The following STON2 variants were observed in gnomAD, a reference collection of about 807,000 sequenced individuals.
STON2 encodes stonin-2.
STON2 carries 29 observed loss-of-function variants against 65.7 expected under a neutral mutation model. That is an observed-to-expected ratio of 0.44 (90% CI 0.33 to 0.60). The LOEUF (loss-of-function observed/expected upper bound fraction) is 0.60. Ranked by LOEUF, STON2 falls within the 20% of genes least tolerant of loss-of-function variation. STON2 has a pLI of 0.03. For synonymous variants in STON2, 404 were observed against 414.2 expected (o/e 0.98, Z 0.30); for missense variants, 1,054 against 1,118.1 (o/e 0.94, Z 0.82).
At position 81,277,379 on chromosome 14, in the gene STON2, C is replaced by T. The variant is rs756067186; in HGVS notation, c.2103G>A (p.Glu701=). ...CATCCACACACCCATGGAAACGGCA[C>T]TCATGGAGCTTGATCCACTTTGTGG... ...TTTTKWIKLH[E]CRFHGCVDED... The change falls in exon 6 of 8, where the codon GAG becomes GAA. Residue 701 remains glutamate, a synonymous_variant. Transcript: ENST00000614646. The T allele has an allele frequency of 4.3e-6, 7 of 1,614,212 alleles. No homozygotes were observed. The highest frequency in any genetic ancestry group is 4.5e-5 in the East Asian group (2 of 44,876).
At chr14:81,373,482 T>C (rs1035305531) in intron 3 of STON2, among the ~76,000 whole-genome samples, 2 of 152,040 alleles carry the variant, frequency 1.3e-5, no homozygotes, top group African/African-American at 4.8e-5. Flanking sequence ...GAAATACAAT[T>C]AAAATATTTG....
At chr14:81,410,278 C>CAAAAAAAAAAAAAAAAAAA (rs1161157573) in intron 2 of STON2, among the ~76,000 whole-genome samples, 1 of 45,798 alleles carries the variant, frequency 2.2e-5, no homozygotes, top group Non-Finnish European at 4.9e-5. Context: ...TAACTCTAAC[C>CAAAAAAAAAAAAAAAAAAA]AAAAAAAAAA....
intron 3 of STON2, among the ~76,000 whole-genome samples, chr14:81,385,806 C>A (rs189312616): frequency 4.6e-5 from 7 of 152,214 alleles, no homozygotes; most frequent in Non-Finnish European, 1.0e-4. Flanking sequence ...TAGACAAAGT[C>A]TTTCCCTTTA....
At chr14:81,311,555 G>A (rs368859532) in intron 5 of STON2, among the ~76,000 whole-genome samples, 5 of 152,190 alleles carry the variant, frequency 3.3e-5, no homozygotes, top group African/African-American at 1.2e-4. Flanking sequence ...AGAATCCTAT[G>A]ACAGAGACAT....
At chr14:81,307,706 G>T (rs950676620) in intron 5 of STON2, among the ~76,000 whole-genome samples, 1 of 152,212 alleles carries the variant, frequency 6.6e-6, no homozygotes, top group African/African-American at 2.4e-5. Context: ...TGAAGGAGAC[G>T]AGGATGATAA....
intron 4 of STON2, among the ~76,000 whole-genome samples, chr14:81,335,596 G>A (rs1016910232): frequency 2.0e-4 from 31 of 152,306 alleles, no homozygotes; most frequent in Admixed American, 1.3e-3. Flanking sequence ...CTACAAGGGA[G>A]ACAGAGGAAA....
rs557344383 is a variant in STON2 at position 81,282,109 on chromosome 14, A to G, written c.743-3370T>C. Among the ~76,000 whole-genome samples, 223 of 152,362 alleles carry G rather than the reference A, an allele frequency of 1.5e-3. 1 individual carries two copies. The highest frequency in any genetic ancestry group is 2.7e-3 in the Non-Finnish European group (186 of 68,038). ...ATCCTAAGGAAATAACAGGACAAGCATGCAACGATGTACACAGTGATGTTT... is the reference window on the plus strand; with the variant it reads ...ATCCTAAGGAAATAACAGGACAAGCGTGCAACGATGTACACAGTGATGTTT... On this transcript the variant is annotated intron_variant, in intron 5 of 7. Transcript: ENST00000614646.
chr14:81,297,165 A>G (rs984994514), intron 5 of STON2, among the ~76,000 whole-genome samples: 1 of 152,210 alleles, frequency 6.6e-6, no homozygotes, highest in Non-Finnish European at 1.5e-5. Flanking sequence ...CGCTGCCTCC[A>G]AGACAAGTAG....
At position 81,277,652 on chromosome 14, in the gene STON2, T is replaced by C. The variant is rs375727005; in HGVS notation, c.1830A>G (p.Pro610=). 2.5e-6 allele frequency: 4 copies of C among 1,614,180 alleles called. No individual in the cohort carries two copies. The Admixed American group carries it at 5.0e-5, about 20-fold the overall frequency. Residue 610 remains proline, a synonymous_variant, in exon 6 of 8, where the codon CCA becomes CCG. Transcript: ENST00000614646. The part of the protein sequence containing the change: ...HAVQDRLMDL[P]VLSMDLSTVG... ...CTGTGCTCAAGTCCATTGACAACAC[T>C]GGCAGATCCATGAGACGGTCCTGAA...
intron 4 of STON2, among the ~76,000 whole-genome samples, chr14:81,341,446 G>GTTTTTTTTTTTTTTTTTT (rs748642462): frequency 8.6e-6 from 1 of 115,752 alleles, no homozygotes; most frequent in Non-Finnish European, 1.7e-5. Context: ...TTTTATAAGT[G>GTTTTTTTTTTTTTTTTTT]TTTTTTTTTT....
At chr14:81,335,483 T>C (rs1897335589) in intron 4 of STON2, among the ~76,000 whole-genome samples, 1 of 152,090 alleles carries the variant, frequency 6.6e-6, no homozygotes, top group African/African-American at 2.4e-5. Context: ...AGCTGCTGGG[T>C]AAGAATATCC....
chr14:81,308,824 A>ATATATATATATGTG (rs1479394128), intron 5 of STON2, among the ~76,000 whole-genome samples: 1 of 10,446 alleles, frequency 9.6e-5, no homozygotes, highest in Non-Finnish European at 1.8e-4. Flanking sequence ...ATATATATAT[A>ATATATATATATGTG]TGTGTGTGTG....
At chr14:81,371,250 CT>C in intron 3 of STON2, 65 bp from the exon 4 acceptor site, 1 of 1,450,490 alleles carries the variant, frequency 6.9e-7, no homozygotes. Flanking sequence ...ATCTTTAGTG[CT>C]TATCTTACTT....
At chr14:81,426,949 CACTT>C (rs1341136653) in intron 2 of STON2, among the ~76,000 whole-genome samples, 6 of 152,180 alleles carry the variant, frequency 3.9e-5, no homozygotes, top group East Asian at 1.9e-4. Flanking sequence ...ATTTGATAAA[CACTT>C]ACGTAACACT....
intron 5 of STON2, among the ~76,000 whole-genome samples, chr14:81,283,165 T>C (rs1895191457): frequency 6.6e-6 from 1 of 152,168 alleles, no homozygotes; most frequent in African/African-American, 2.4e-5. Flanking sequence ...TGATGCAAAC[T>C]AAAGAGAAGT....
chr14:81,408,160 C>T (rs565819402), intron 2 of STON2, among the ~76,000 whole-genome samples: 8 of 147,414 alleles, frequency 5.4e-5, no homozygotes, highest in Admixed American at 4.6e-4. Context: ...CACACACACG[C>T]GCACACACAC....
chr14:81,333,220 T>G lies in STON2; in HGVS notation c.572-9033A>C, dbSNP rs1595363665. The G allele has an allele frequency of 6.5e-6, 6 of 924,864 alleles. No homozygotes were observed. In the East Asian group the frequency reaches 1.5e-4, roughly 23 times the overall value. The allele number at this position is 924,864 out of a possible 1,614,324, so 57.3% of individuals were successfully genotyped here. ...GACATCCAGTGTGGTCTTGTACATT[T>G]TTGCTAGTTTTTCCCGAATTTCTGT... On this transcript the variant is annotated intron_variant, in intron 4 of 7. Coordinates refer to ENST00000614646, the MANE Select transcript of STON2 (RefSeq NM_001394390.1).
chr14:81,304,173 CCTT>C (rs1227986412), intron 5 of STON2, among the ~76,000 whole-genome samples: 2 of 152,158 alleles, frequency 1.3e-5, no homozygotes, highest in African/African-American at 2.4e-5. Flanking sequence ...ATTAAAACCT[CCTT>C]GAGACCAGGG....
At chr14:81,307,163 T>TA in intron 5 of STON2, among the ~76,000 whole-genome samples, 1 of 152,276 alleles carries the variant, frequency 6.6e-6, no homozygotes, top group African/African-American at 2.4e-5. Flanking sequence ...AAGAGAAATT[T>TA]AAAAAACACA....
Sources: allele counts gnomAD v4.1 joint callset (sites outside exome capture counted in the v4.1 genomes callset), GRCh38; gene constraint gnomAD v4.1.1; transcripts MANE v1.5; gene names NCBI Gene and HGNC (gene_info 2026-07-23, HGNC 2026-07-21).